RALYL: variants seen among roughly 807,000 people sequenced by gnomAD.
RALYL encodes the protein RNA-binding Raly-like protein.
A neutral mutation model predicts 35.1 loss-of-function variants in RALYL; 29 were observed. The ratio of observed to expected loss-of-function variants is 0.83; its 90% confidence interval spans 0.61 to 1.13. The LOEUF is 1.13. Ranked by LOEUF, RALYL falls within the 50% of genes most tolerant of loss-of-function variation. RALYL has a pLI of 0.00. For synonymous variants in RALYL, 120 were observed against 127.6 expected (o/e 0.94, Z 0.40); for missense variants, 359 against 360.4 (o/e 1.00, Z 0.03).
At chr8:84,429,100 A>C (rs1312655061) in intron 1 of RALYL, among the ~76,000 whole-genome samples, 1 of 152,146 alleles carries the variant, frequency 6.6e-6, no homozygotes, top group East Asian at 1.9e-4. Flanking sequence ...TTTGATAGAG[A>C]AATGCTGAGT....
chr8:84,387,709 T>A (rs1350605824), intron 1 of RALYL, among the ~76,000 whole-genome samples: 2 of 151,848 alleles, frequency 1.3e-5, no homozygotes, highest in African/African-American at 4.8e-5. Context: ...TCGCTTTAGC[T>A]ACCACTCAGC....
At chr8:84,663,168 C>CT (rs1274794802) in intron 2 of RALYL, among the ~76,000 whole-genome samples, 12 of 152,080 alleles carry the variant, frequency 7.9e-5, no homozygotes, top group African/African-American at 2.4e-4. Context: ...TGAGCTTGTT[C>CT]TTTTTTATGG....
chr8:84,317,429 C>G (rs886601867), intron 1 of RALYL, among the ~76,000 whole-genome samples: 38 of 152,276 alleles, frequency 2.5e-4, no homozygotes, highest in Admixed American at 4.6e-4. Context: ...GTCAAGATAG[C>G]TGCCTCAATT....
At chr8:84,830,515 A>G (rs2134379143) in intron 4 of RALYL, among the ~76,000 whole-genome samples, 1 of 152,288 alleles carries the variant, frequency 6.6e-6, no homozygotes, top group African/African-American at 2.4e-5. Flanking sequence ...AGGACAATGG[A>G]ATGCTCCAGG....
chr8:84,388,501 C>G (rs1298991175), intron 1 of RALYL, among the ~76,000 whole-genome samples: 1 of 152,162 alleles, frequency 6.6e-6, no homozygotes, highest in East Asian at 1.9e-4. Context: ...TCTCCAGCAC[C>G]TGTTGTTTCC....
At chr8:84,800,827 C>G (rs972989514) in intron 3 of RALYL, among the ~76,000 whole-genome samples, 16 of 152,034 alleles carry the variant, frequency 1.1e-4, no homozygotes, top group African/African-American at 3.9e-4. Flanking sequence ...TCAGGACCAA[C>G]ACTACTAAAA....
chr8:84,664,873 G>T (rs1588869441), intron 2 of RALYL, among the ~76,000 whole-genome samples: 1 of 152,134 alleles, frequency 6.6e-6, no homozygotes, highest in Admixed American at 6.6e-5. Flanking sequence ...TTGAATAAAA[G>T]TGGTGAAAGA....
At chr8:84,844,670 G>C (rs1402404552) in intron 4 of RALYL, among the ~76,000 whole-genome samples, 1 of 152,170 alleles carries the variant, frequency 6.6e-6, no homozygotes, top group Admixed American at 6.5e-5. Flanking sequence ...ACATGCACAT[G>C]TATGTTTATT....
chr8:84,322,734 GTATT>G (rs968211078), intron 1 of RALYL, among the ~76,000 whole-genome samples: 2 of 152,030 alleles, frequency 1.3e-5, no homozygotes, highest in African/African-American at 4.8e-5. Context: ...GCCTGGTAGA[GTATT>G]TGCATTTTTC....
At chr8:84,469,053 T>A (rs1587566308) in intron 1 of RALYL, among the ~76,000 whole-genome samples, 1 of 152,244 alleles carries the variant, frequency 6.6e-6, no homozygotes, top group Middle Eastern at 3.4e-3. Flanking sequence ...TTCTAAATTT[T>A]TTTTCAAAGT....
intron 2 of RALYL, among the ~76,000 whole-genome samples, chr8:84,712,655 A>G (rs1340345241): frequency 6.6e-6 from 1 of 152,130 alleles, no homozygotes; most frequent in African/African-American, 2.4e-5. Context: ...CTGCATTTAT[A>G]TCTACACTTG....
At chr8:84,732,898 T>C (rs1430704932) in intron 2 of RALYL, among the ~76,000 whole-genome samples, 3 of 151,832 alleles carry the variant, frequency 2.0e-5, no homozygotes, top group Admixed American at 2.0e-4. Flanking sequence ...GGTTTCACCA[T>C]GTTGGCCATG....
chr8:84,398,024 T>C lies in RALYL; in HGVS notation c.-23-131275T>C, dbSNP rs2042518763. Among the ~76,000 whole-genome samples, 3 of 152,234 alleles carry C rather than the reference T, an allele frequency of 2.0e-5. 1 individual carries two copies. In the South Asian group the frequency reaches 6.2e-4, roughly 31 times the overall value. On this transcript the variant is annotated intron_variant, in intron 1 of 8. Transcript: ENST00000521268. Reference sequence around the variant, plus strand: ...GGTAAATAGTTTGATTTGAAGGTTTTTGTATCTGGATTTAGATGCAACAAG... The same window carrying C: ...GGTAAATAGTTTGATTTGAAGGTTTCTGTATCTGGATTTAGATGCAACAAG...
At chr8:84,436,543 G>GA (rs2047734256) in intron 1 of RALYL, among the ~76,000 whole-genome samples, 1 of 62,396 alleles carries the variant, frequency 1.6e-5, no homozygotes, top group African/African-American at 8.0e-5. Context: ...AATCATGGGA[G>GA]TTTTTTTTTT....
intron 1 of RALYL, among the ~76,000 whole-genome samples, chr8:84,379,489 A>G (rs868821075): frequency 6.6e-6 from 1 of 151,920 alleles, no homozygotes; most frequent in African/African-American, 2.4e-5. Context: ...GATATTTTTG[A>G]TATCAGCTTT....
Position 84,479,396 on chromosome 8 carries a change from G to A in RALYL, c.-23-49903G>A, listed in dbSNP as rs1053816188. 4.6e-5 allele frequency among the ~76,000 whole-genome samples: 7 copies of A among 152,040 alleles called. No homozygotes were observed. The East Asian group carries it at 1.3e-3, about 29-fold the overall frequency. On this transcript the variant is annotated intron_variant, in intron 1 of 8. Coordinates refer to ENST00000521268, the MANE Select transcript of RALYL (RefSeq NM_173848.7). ...CATTTATATATTAAAGTGAAAGTTT[G>A]GGCAAACCATTTTATTAACCATGAA...
chr8:84,310,634 A>G (rs1842588949), intron 1 of RALYL, among the ~76,000 whole-genome samples: 1 of 152,344 alleles, frequency 6.6e-6, no homozygotes, highest in South Asian at 2.1e-4. Context: ...TCAATCATAT[A>G]AAAATAAATG....
At chr8:84,238,430 T>G (rs896577899) in intron 1 of RALYL, among the ~76,000 whole-genome samples, 1 of 152,202 alleles carries the variant, frequency 6.6e-6, no homozygotes, top group African/African-American at 2.4e-5. Flanking sequence ...TATATTTATA[T>G]TTCCAGAACA....
chr8:84,585,126 A>T (rs1196404265), intron 2 of RALYL, among the ~76,000 whole-genome samples: 2 of 151,838 alleles, frequency 1.3e-5, no homozygotes, highest in Non-Finnish European at 2.9e-5. Flanking sequence ...TGTTATGGGT[A>T]TTTTTTTTAA....
Sources: allele counts gnomAD v4.1 joint callset (sites outside exome capture counted in the v4.1 genomes callset), GRCh38; gene constraint gnomAD v4.1.1; transcripts MANE v1.5; gene names NCBI Gene and HGNC (gene_info 2026-07-23, HGNC 2026-07-21).